TRMT44: variants seen among roughly 807,000 people sequenced by gnomAD.
TRMT44 encodes probable tRNA (uracil-O(2)-)-methyltransferase.
Under a neutral mutation model 77.3 loss-of-function variants are expected in TRMT44, and 78 were observed. The ratio of observed to expected loss-of-function variants is 1.01; its 90% CI spans 0.84 to 1.22. The LOEUF is 1.22. TRMT44 is among the 50% of genes most tolerant of loss of function. TRMT44 has a pLI of 0.00. For missense variants in TRMT44, 1,090 were observed against 964.4 expected (o/e 1.13, Z -1.73); for synonymous variants, 391 against 383.3 (o/e 1.02, Z -0.23).
At chr4:8,445,929 G>A (rs1483136524) in intron 1 of TRMT44, among the ~76,000 whole-genome samples, 2 of 152,154 alleles carry the variant, frequency 1.3e-5, no homozygotes, top group Admixed American at 1.3e-4. Context: ...CAAACTGACA[G>A]AATGCTGTAA....
In TRMT44 at chr4:8,465,946, TCA is replaced by T. The variant is rs1407809590; in HGVS notation, c.1494+388_1494+389del. ...TGCGATTGAAGTGTGTTTCAGAAGT[TCA>T]CAGTGATTTCCCATTTTCTCATTAA... is the stretch of plus-strand genomic sequence containing the variant. On this transcript the variant is annotated intron_variant, in intron 8 of 10. Coordinates refer to ENST00000389737, the MANE Select transcript of TRMT44 (RefSeq NM_152544.3). Among the ~76,000 whole-genome samples the T allele has an allele frequency of 2.0e-5, 3 of 152,340 alleles. No individual in the cohort carries two copies. In the East Asian group the frequency reaches 5.8e-4, roughly 29 times the overall value.
chr4:8,460,340 C>A lies in TRMT44; in HGVS notation c.1204-3645C>A, dbSNP rs539369436. Among the ~76,000 whole-genome samples the A allele has an allele frequency of 9.9e-5, 15 of 152,228 alleles. 1 individual carries two copies. In the South Asian group the frequency reaches 1.5e-3, roughly 15 times the overall value. ...AGATGAAAAAATGTTGACTTTTCAT[C>A]ATGGAGAATGTCAGGAATATACAAA... On this transcript the variant is annotated intron_variant, in intron 6 of 10. Transcript: ENST00000389737.
In TRMT44 at chr4:8,459,092, C is replaced by T. The variant is rs553661677; in HGVS notation, c.1203+4279C>T. 3.0e-4 allele frequency among the ~76,000 whole-genome samples: 46 copies of T among 151,954 alleles called. No individual in the cohort carries two copies. The South Asian group carries it at 8.3e-3, about 27-fold the overall frequency. On this transcript the variant is annotated intron_variant, in intron 6 of 10. Transcript: ENST00000389737. ...TGGCATGCACCTGTAGTCCCAGCTA[C>T]GCGGGAGGCTGAGGTTGGGGGATCA...
intron 10 of TRMT44, among the ~76,000 whole-genome samples, chr4:8,472,075 A>G (rs949438416): frequency 6.1e-5 from 9 of 148,634 alleles, no homozygotes; most frequent in African/African-American, 2.2e-4. Flanking sequence ...ATGCTATTTC[A>G]CCCCTAAGTA....
At chr4:8,468,425 A>C in intron 9 of TRMT44, 79 bp downstream of exon 9, 1 of 1,427,486 alleles carries the variant, frequency 7.0e-7, no homozygotes, top group Non-Finnish European at 9.8e-7. Flanking sequence ...CAGAACCGAC[A>C]TGAAATGGTG....
In TRMT44 at chr4:8,468,208, C is replaced by T. The variant is rs151291552; in HGVS notation, c.1789C>T (p.Arg597Cys). 8.0e-4 allele frequency: 1,288 copies of T among 1,614,214 alleles called. 3 individuals carry two copies. The highest frequency in any genetic ancestry group is 4.0e-3 in the Middle Eastern group (24 of 6,062). ...PGFHPREKAE[R>C]VRNCAALPRD... Reference sequence around the variant, plus strand: ...ATTTCATCCCAGAGAAAAGGCTGAGCGTGTGAGGAACTGTGCCGCCCTGCC... The same window carrying T: ...ATTTCATCCCAGAGAAAAGGCTGAGTGTGTGAGGAACTGTGCCGCCCTGCC... The change falls in exon 9 of 11, where the codon CGT becomes TGT. Residue 597 changes from arginine to cysteine, a missense_variant. Arg to Cys is a radical substitution (Grantham distance 180, BLOSUM62 -3). Coordinates refer to ENST00000389737, the MANE Select transcript of TRMT44 (RefSeq NM_152544.3).
intron 2 of TRMT44, among the ~76,000 whole-genome samples, chr4:8,484,785 G>A (rs1167777781): frequency 6.6e-6 from 1 of 152,204 alleles, no homozygotes; most frequent in Non-Finnish European, 1.5e-5. Flanking sequence ...GCAAAACCAG[G>A]TGTCTAAAGG....
At chr4:8,505,345 C>T in the TRMT44 span, among the ~76,000 whole-genome samples, 3 of 152,186 alleles carry the variant, frequency 2.0e-5, no homozygotes, top group African/African-American at 4.8e-5. Flanking sequence ...AGGGAGGGTG[C>T]TCCAGGCTCA....
At chr4:8,511,854 A>T in the TRMT44 span, 2 of 152,306 alleles carry the variant, frequency 1.3e-5, no homozygotes, top group East Asian at 3.9e-4. Flanking sequence ...AGGAGAGTCC[A>T]TGTCCTAAAG....
rs61738667 is a variant in TRMT44, at chr4:8,452,019, A to G, written c.1014A>G (p.Ala338=). ...TGTATGAAGATGTGGCTATCGCAGC[A>G]TACCTGCTGGTAAGGGTGTAAGCGA... ...KFVYEDVAIA[A]YLLILWEEER... The change falls in exon 4 of 11, where the codon GCA becomes GCG. Residue 338 remains alanine, a synonymous_variant. Transcript: ENST00000389737. The surrounding 1 kb of genome is among the most constrained non-coding windows in gnomAD (Gnocchi z 5.7). 0.035 allele frequency: 53,918 copies of G among 1,536,484 alleles called. 1,407 individuals carry two copies. The highest frequency in any genetic ancestry group is 0.13 in the African/African-American group (9,787 of 73,120).
chr4:8,458,681 C>T (rs965803630), intron 6 of TRMT44, among the ~76,000 whole-genome samples: 4 of 151,896 alleles, frequency 2.6e-5, no homozygotes, highest in African/African-American at 9.7e-5. Context: ...TCTCGAACTC[C>T]TGACCTCAAG....
At chr4:8,495,580 G>T (rs1728127304), downstream of TRMT44, among the ~76,000 whole-genome samples, 1 of 152,216 alleles carries the variant, frequency 6.6e-6, no homozygotes, top group Admixed American at 6.5e-5. Context: ...TTTATTTGGT[G>T]CATGGAGAGG....
intron 5 of TRMT44, among the ~76,000 whole-genome samples, chr4:8,453,959 A>T (rs1453959260): frequency 6.6e-6 from 1 of 152,204 alleles, no homozygotes; most frequent in East Asian, 1.9e-4. Flanking sequence ...ATGAGTTTCT[A>T]ATCATAATAC....
intron 1 of TRMT44, among the ~76,000 whole-genome samples, chr4:8,445,084 A>G (rs1724979623): frequency 6.6e-6 from 1 of 152,218 alleles, no homozygotes; most frequent in Non-Finnish European, 1.5e-5. Context: ...TGCCAGTGAC[A>G]CTGAGGCTAA....
chr4:8,466,125 GTACCGTGGAAGTGTT>G (rs371974844), intron 8 of TRMT44, among the ~76,000 whole-genome samples: 38 of 152,210 alleles, frequency 2.5e-4, no homozygotes, highest in African/African-American at 8.4e-4. Flanking sequence ...CCTTTTGAAA[GTACCGTGGAAGTGTT>G]TACAGCAGCT....
At chr4:8,471,286 A>C in intron 10 of TRMT44, 86 bp downstream of exon 10, 1 of 933,082 alleles carries the variant, frequency 1.1e-6, no homozygotes. Context: ...AGAGTGGTTT[A>C]GACTCACTGA....
chr4:8,468,028 T>C lies in TRMT44; in HGVS notation c.1609T>C (p.Trp537Arg), dbSNP rs2109165408. 6.2e-7 allele frequency: 1 copy of C among 1,614,058 alleles called. No homozygotes were observed. The highest frequency in any genetic ancestry group is 2.2e-5 in the East Asian group (1 of 44,886). ...RRGCPVSPPGWELSPSPRWVA... is the reference protein window; with the variant it reads ...RRGCPVSPPGRELSPSPRWVA... ...GGGCTGCCCTGTAAGCCCACCTGGC[T>C]GGGAGCTTTCCCCTTCTCCACGCTG... The change falls in exon 9 of 11, where the codon TGG becomes CGG. Residue 537 changes from tryptophan to arginine, a missense_variant. Trp to Arg is a moderately radical substitution (Grantham distance 101). Coordinates refer to ENST00000389737, the MANE Select transcript of TRMT44 (RefSeq NM_152544.3).
At chr4:8,449,954 T>TTTTA in intron 3 of TRMT44, 66 bp downstream of exon 3, 1 of 222,658 alleles carries the variant, frequency 4.5e-6, no homozygotes, top group Non-Finnish European at 6.4e-6. Context: ...CTTTTCTTTT[T>TTTTA]TTTTTTTTTT....
chr4:8,463,055 A>G (rs935489380), intron 6 of TRMT44, among the ~76,000 whole-genome samples: 6 of 152,244 alleles, frequency 3.9e-5, no homozygotes, highest in Admixed American at 3.9e-4. Flanking sequence ...TTTACTTACC[A>G]TGTCTGTAAA....
Sources: allele counts gnomAD v4.1 joint callset (sites outside exome capture counted in the v4.1 genomes callset), GRCh38; gene constraint gnomAD v4.1.1; non-coding constraint Gnocchi (gnomAD v3.1); transcripts MANE v1.5; gene names NCBI Gene and HGNC (gene_info 2026-07-23, HGNC 2026-07-21).